MYO3A: variants seen among roughly 807,000 people sequenced by gnomAD.
MYO3A encodes the protein myosin-IIIa.
A neutral mutation model predicts 192.7 loss-of-function variants in MYO3A; 180 were observed. That is an observed-to-expected ratio of 0.93 (90% CI 0.83 to 1.06). The LOEUF (loss-of-function observed/expected upper bound fraction) is 1.06, where lower values mean the gene tolerates loss of function less well. MYO3A is among the 50% of genes least tolerant of loss of function. The pLI is 0.00. For missense variants in MYO3A, 1,896 were observed against 1,905.0 expected (o/e 1.00, Z 0.09); for synonymous variants, 628 against 645.3 (o/e 0.97, Z 0.41).
chr10:25,943,254 T>A (rs1380025274), intron 2 of MYO3A, among the ~76,000 whole-genome samples: 2 of 152,116 alleles, frequency 1.3e-5, no homozygotes, highest in Non-Finnish European at 1.5e-5. Context: ...TCTATTTGTC[T>A]ATGTGTACCA....
chr10:26,055,822 T>TCAC (rs1588872931), intron 10 of MYO3A, among the ~76,000 whole-genome samples: 2 of 152,300 alleles, frequency 1.3e-5, no homozygotes, highest in East Asian at 3.9e-4. Context: ...CATTAAAAGG[T>TCAC]TGAAACCTAA....
At position 26,088,331 on chromosome 10, in the gene MYO3A, C is replaced by G; in HGVS notation, c.1488C>G (p.Thr496=). The G allele has an allele frequency of 6.2e-7, 1 of 1,613,880 alleles. No individual in the cohort carries two copies. Among genetic ancestry groups the G allele is most frequent in the South Asian group, 1.1e-5 (1 of 91,072 alleles). The change falls in exon 15 of 35, where the codon ACC becomes ACG. Residue 496 remains threonine (T), a synonymous_variant. Coordinates refer to ENST00000642920, the MANE Select transcript of MYO3A (RefSeq NM_017433.5). ...GAAAATACTTAGAAATGAAATTCACCTCTTCTGGAGCGGTAGTGGGAGCAC... is the reference window on the plus strand; with the variant it reads ...GAAAATACTTAGAAATGAAATTCACGTCTTCTGGAGCGGTAGTGGGAGCAC... ...RFGKYLEMKF[T]SSGAVVGAQI...
chr10:25,982,964 A>G (rs549571364), intron 4 of MYO3A, among the ~76,000 whole-genome samples: 8 of 152,296 alleles, frequency 5.3e-5, no homozygotes, highest in Admixed American at 5.2e-4. Flanking sequence ...ATTGCCAGAA[A>G]AAGAATTCAG....
At chr10:26,091,013 CCT>C (rs1315781866) in intron 15 of MYO3A, among the ~76,000 whole-genome samples, 1 of 152,184 alleles carries the variant, frequency 6.6e-6, no homozygotes, top group African/African-American at 2.4e-5. Context: ...AACATCCCAG[CCT>C]CTCTCTCCTT....
chr10:26,051,403 C>G (rs1295575561), intron 10 of MYO3A, among the ~76,000 whole-genome samples: 2 of 151,834 alleles, frequency 1.3e-5, no homozygotes, highest in Admixed American at 1.3e-4. Context: ...AAGGAGACAT[C>G]TAATTGGGTG....
chr10:26,017,368 G>C (rs1842039388), intron 7 of MYO3A, among the ~76,000 whole-genome samples: 2 of 152,102 alleles, frequency 1.3e-5, no homozygotes, highest in African/African-American at 4.8e-5. Context: ...TTACCTTTGG[G>C]AGGTTGCAGA....
At chr10:26,042,651 ATTATGT>A (rs1843416018) in intron 10 of MYO3A, among the ~76,000 whole-genome samples, 1 of 152,088 alleles carries the variant, frequency 6.6e-6, no homozygotes, top group African/African-American at 2.4e-5. Flanking sequence ...TTTCTGTTTG[ATTATGT>A]TTAATTATTT....
chr10:26,035,217 A>T (rs1259419666), intron 10 of MYO3A, among the ~76,000 whole-genome samples: 2 of 152,172 alleles, frequency 1.3e-5, no homozygotes, highest in African/African-American at 4.8e-5. Context: ...ATATTTCCTT[A>T]TGTCAGTCTT....
chr10:26,158,218 TA>T (rs1166631071), intron 26 of MYO3A, among the ~76,000 whole-genome samples: 1 of 152,150 alleles, frequency 6.6e-6, no homozygotes, highest in Non-Finnish European at 1.5e-5. Context: ...TAAATTTTTT[TA>T]AAAGAATCAA....
At chr10:26,067,629 A>G (rs980488060) in intron 11 of MYO3A, among the ~76,000 whole-genome samples, 6 of 152,168 alleles carry the variant, frequency 3.9e-5, no homozygotes, top group Admixed American at 3.3e-4. Flanking sequence ...TTTCGGGGGT[A>G]TTGAATTCTG....
At chr10:26,026,617 A>C in intron 10 of MYO3A, 85 bp downstream of exon 10, 2 of 1,525,898 alleles carry the variant, frequency 1.3e-6, no homozygotes, top group Non-Finnish European at 1.8e-6. Flanking sequence ...TTTTAAGGTG[A>C]ATAAAATTTG....
At chr10:25,984,306 A>G (rs1839512002) in intron 4 of MYO3A, among the ~76,000 whole-genome samples, 1 of 152,202 alleles carries the variant, frequency 6.6e-6, no homozygotes, top group African/African-American at 2.4e-5. Context: ...CTCCACTTAA[A>G]TGATACAGAG....
intron 6 of MYO3A, among the ~76,000 whole-genome samples, chr10:26,014,994 A>G (rs1432246090): frequency 6.6e-6 from 1 of 152,136 alleles, no homozygotes; most frequent in Non-Finnish European, 1.5e-5. Context: ...TTCTATCCCT[A>G]GAAATAGCAC....
chr10:25,944,982 T>C (rs1003619975), intron 2 of MYO3A, among the ~76,000 whole-genome samples: 15 of 152,064 alleles, frequency 9.9e-5, no homozygotes, highest in Non-Finnish European at 2.9e-5. Context: ...AGTTACGTCA[T>C]TGATTTCATA....
chr10:26,125,652 A>C lies in MYO3A; in HGVS notation c.2114+44A>C, dbSNP rs145347189. On this transcript the variant is annotated intron_variant, in intron 19 of 34. Coordinates refer to ENST00000642920, the MANE Select transcript of MYO3A (RefSeq NM_017433.5). The stretch of plus-strand genomic sequence containing the variant: ...ACATTTTTTTCCCAAATGTCAGGTG[A>C]TGTAAGTCTACTTTCTAATTGATTG... 374 of 1,490,382 alleles carry C rather than the reference A, an allele frequency of 2.5e-4. 2 individuals carry two copies. The African/African-American group carries it at 3.7e-3, about 15-fold the overall frequency. 92.3% of individuals were successfully genotyped at this position (1,490,382 alleles called of 1,614,324 possible).
chr10:26,166,448 G>C (rs1328559163), intron 27 of MYO3A, among the ~76,000 whole-genome samples: 1 of 152,160 alleles, frequency 6.6e-6, no homozygotes, highest in Admixed American at 6.5e-5. Context: ...AGGCCGAGGT[G>C]GGAGAATGGC....
In MYO3A at chr10:26,070,336, G is replaced by C; in HGVS notation, c.1294G>C (p.Glu432Gln). Residue 432 changes from glutamate to glutamine, a missense_variant, in exon 14 of 35, where the codon GAA becomes CAA. Transcript: ENST00000642920. Reference protein sequence around the residue: ...NSDQCIVISGESGAGKTENAH... With the variant: ...NSDQCIVISGQSGAGKTENAH... Reference sequence around the variant, plus strand: ...TGTATAGTGCATTGTTATTTCTGGAGAAAGTGGTGCTGGAAAGACTGAAAA... The same window carrying C: ...TGTATAGTGCATTGTTATTTCTGGACAAAGTGGTGCTGGAAAGACTGAAAA... The C allele has an allele frequency of 6.2e-7, 1 of 1,613,272 alleles. No individual in the cohort carries two copies. Among genetic ancestry groups the C allele is most frequent in the African/African-American group, 1.3e-5 (1 of 75,028 alleles).
chr10:26,125,558 T>G lies in MYO3A; in HGVS notation c.2064T>G (p.Ser688Arg). The G allele has an allele frequency of 6.2e-7, 1 of 1,614,048 alleles. No individual in the cohort carries two copies. The highest frequency in any genetic ancestry group is 1.1e-5 in the South Asian group (1 of 91,080). Residue 688 changes from serine to arginine, a missense_variant, in exon 19 of 35, where the codon AGT becomes AGG. Transcript: ENST00000642920. ...MAKTLYGRLF[S>R]WIVNCINSLL... Reference sequence around the variant, plus strand: ...AAACTTTATATGGACGTCTCTTTAGTTGGATAGTCAATTGCATTAACAGTT... The same window carrying G: ...AAACTTTATATGGACGTCTCTTTAGGTGGATAGTCAATTGCATTAACAGTT...
At chr10:26,102,793 A>G (rs139656718) in intron 17 of MYO3A, among the ~76,000 whole-genome samples, 169 of 152,238 alleles carry the variant, frequency 1.1e-3, no homozygotes, top group African/African-American at 3.8e-3. Flanking sequence ...TGGCTATATG[A>G]GGTGTCAGTC....
Sources: gnomAD v4.1 joint callset for allele counts (sites outside exome capture counted in the v4.1 genomes callset) on GRCh38, gnomAD v4.1.1 for gene constraint, MANE v1.5 for transcripts, NCBI Gene and HGNC (gene_info 2026-07-23, HGNC 2026-07-21) for gene names.